Variants in MYO10 observed in about 807,000 individuals in gnomAD.
MYO10 encodes the protein unconventional myosin-X.
A neutral mutation model predicts 257.3 loss-of-function variants in MYO10; 133 were observed. The ratio of observed to expected loss-of-function variants is 0.52; its 90% confidence interval spans 0.45 to 0.60. MYO10 has a LOEUF of 0.60. Ranked by LOEUF, MYO10 falls within the 20% of genes least tolerant of loss-of-function variation. The pLI is 0.00. For missense variants in MYO10, 2,399 were observed against 2,635.7 expected (o/e 0.91, Z 1.97); for synonymous variants, 1,104 against 1,028.6 (o/e 1.07, Z -1.40).
chr5:16,667,069 CCAG>C (rs939189379), intron 40 of MYO10, among the ~76,000 whole-genome samples: 9 of 152,194 alleles, frequency 5.9e-5, no homozygotes, highest in Admixed American at 1.3e-4. Flanking sequence ...ACATTAAAAT[CCAG>C]AACTAACCGA....
intron 27 of MYO10, 26 bp from the exon 28 acceptor site, chr5:16,689,945 G>A (rs756950395): frequency 4.6e-6 from 7 of 1,522,252 alleles, no homozygotes; most frequent in Admixed American, 1.7e-5. Context: ...AGCAACAAAC[G>A]CACATCAGGA....
At chr5:16,847,351 G>A (rs1356239816) in intron 2 of MYO10, among the ~76,000 whole-genome samples, 4 of 149,904 alleles carry the variant, frequency 2.7e-5, no homozygotes, top group Non-Finnish European at 5.9e-5. Context: ...GTGAACTCGG[G>A]AGGCAGAGCT....
At chr5:16,900,450 T>C (rs1184163220) in intron 1 of MYO10, among the ~76,000 whole-genome samples, 2 of 152,120 alleles carry the variant, frequency 1.3e-5, no homozygotes, top group Non-Finnish European at 2.9e-5. Context: ...AGAAAAAAAC[T>C]ACCCTGGAAC....
intron 1 of MYO10, among the ~76,000 whole-genome samples, chr5:16,929,011 G>A (rs1216622709): frequency 6.7e-6 from 1 of 150,304 alleles, no homozygotes; most frequent in East Asian, 2.0e-4. Flanking sequence ...GGAGTGCAGT[G>A]GCGCGATCTC....
At chr5:16,708,456 A>G (rs1738444693) in intron 21 of MYO10, among the ~76,000 whole-genome samples, 1 of 152,210 alleles carries the variant, frequency 6.6e-6, no homozygotes, top group South Asian at 2.1e-4. Context: ...AAGCTGGATT[A>G]GTACTTGGAG....
At chr5:16,694,247 C>T (rs145037043) in intron 27 of MYO10, 124 bp downstream of exon 27, 26 of 1,444,886 alleles carry the variant, frequency 1.8e-5, no homozygotes, top group Middle Eastern at 4.7e-4. Context: ...ACCTACTGAA[C>T]TGAACTATCA....
intron 1 of MYO10, among the ~76,000 whole-genome samples, chr5:16,893,508 C>T (rs2126777026): frequency 6.6e-6 from 1 of 151,810 alleles, no homozygotes; most frequent in Non-Finnish European, 1.5e-5. Flanking sequence ...GTGGTGCATG[C>T]CTGTAGTCCC....
intron 2 of MYO10, among the ~76,000 whole-genome samples, chr5:16,832,700 T>C (rs1256008779): frequency 6.6e-6 from 1 of 152,152 alleles, no homozygotes; most frequent in Admixed American, 6.6e-5. Flanking sequence ...CCAGATCCCT[T>C]CAGGTAACAT....
At chr5:16,815,430 G>A (rs1418879390) in intron 3 of MYO10, 1 of 700,668 alleles carries the variant, frequency 1.4e-6, no homozygotes, top group East Asian at 2.7e-5. Context: ...TGGATTTGGA[G>A]TTTTTGGATT....
At chr5:16,861,848 T>C (rs78491454) in intron 2 of MYO10, among the ~76,000 whole-genome samples, 4,485 of 152,208 alleles carry the variant, frequency 0.029, 214 homozygotes, top group African/African-American at 0.098. Context: ...CACTCCCCAC[T>C]AGCCAGGTGT....
At chr5:16,924,194 C>A (rs531429980) in intron 1 of MYO10, among the ~76,000 whole-genome samples, 1 of 151,956 alleles carries the variant, frequency 6.6e-6, no homozygotes, top group Non-Finnish European at 1.5e-5. Context: ...TGGCCTTAAA[C>A]GAACATCAAC....
chr5:16,877,904 CCATCAGACAT>C (rs1744651775), intron 1 of MYO10, among the ~76,000 whole-genome samples, 197 bp from the exon 2 acceptor site: 1 of 152,086 alleles, frequency 6.6e-6, no homozygotes, highest in Non-Finnish European at 1.5e-5. Flanking sequence ...ACTGAGAGTC[CCATCAGACAT>C]AGAAGGCAAA....
At chr5:16,709,870 G>A (rs1331886486) in intron 21 of MYO10, among the ~76,000 whole-genome samples, 1 of 149,372 alleles carries the variant, frequency 6.7e-6, no homozygotes, top group African/African-American at 2.5e-5. Flanking sequence ...TCCGTCAGCA[G>A]TAAAAAATTT....
At chr5:16,793,725 T>C (rs112013193) in intron 4 of MYO10, among the ~76,000 whole-genome samples, 4 of 150,968 alleles carry the variant, frequency 2.6e-5, no homozygotes, top group African/African-American at 9.7e-5. Flanking sequence ...AGGTCGGGAG[T>C]TTAAGACCAG....
At chr5:16,669,072 T>C (rs754774758) in intron 39 of MYO10, among the ~76,000 whole-genome samples, 2 of 151,950 alleles carry the variant, frequency 1.3e-5, no homozygotes, top group Admixed American at 6.6e-5. Context: ...TAAGACCCCA[T>C]ATGAAGGGGC....
chr5:16,748,734 C>A (rs1335219731), intron 19 of MYO10, among the ~76,000 whole-genome samples: 6 of 152,094 alleles, frequency 3.9e-5, no homozygotes, highest in Non-Finnish European at 8.8e-5. Context: ...AATTATTACA[C>A]CTCTGGAAAC....
chr5:16,879,654 T>G (rs1447409532), intron 1 of MYO10, among the ~76,000 whole-genome samples: 1 of 152,144 alleles, frequency 6.6e-6, no homozygotes, highest in Non-Finnish European at 1.5e-5. Context: ...TTCCCACACA[T>G]CACACTGACT....
At chr5:16,806,634 C>A (rs978187785) in intron 3 of MYO10, among the ~76,000 whole-genome samples, 5 of 131,182 alleles carry the variant, frequency 3.8e-5, no homozygotes, top group Admixed American at 7.9e-5. Flanking sequence ...GGCGACAGAG[C>A]AAGACTCCGT....
chr5:16,740,430 T>C (rs1461537969), intron 19 of MYO10, among the ~76,000 whole-genome samples: 1 of 151,856 alleles, frequency 6.6e-6, no homozygotes, highest in Non-Finnish European at 1.5e-5. Flanking sequence ...AGGGAAGGGA[T>C]TTGCTCACAG....
Sources: gnomAD v4.1 joint callset for allele counts (sites outside exome capture counted in the v4.1 genomes callset) on GRCh38, gnomAD v4.1.1 for gene constraint, MANE v1.5 for transcripts, NCBI Gene and HGNC (gene_info 2026-07-23, HGNC 2026-07-21) for gene names.